CSMD1: variants seen among roughly 807,000 people sequenced by gnomAD.
CSMD1 encodes the protein CUB and Sushi multiple domains 1.
Under a neutral mutation model 417.5 loss-of-function variants are expected in CSMD1, and 213 were observed. The ratio of observed to expected loss-of-function variants is 0.51; its 90% CI spans 0.46 to 0.57. The LOEUF (loss-of-function observed/expected upper bound fraction) is 0.57. Ranked by LOEUF, CSMD1 falls within the 20% of genes least tolerant of loss-of-function variation. CSMD1 has a pLI of 0.00. For synonymous variants in CSMD1, 2,862 were observed against 1,736.8 expected, an observed-to-expected ratio of 1.65 and a Z score of -16.11; for missense variants, 6,923 against 4,529.7, an observed-to-expected ratio of 1.53 and a Z score of -15.17.
chr8:4,282,020 G>A (rs937375890), intron 3 of CSMD1, among the ~76,000 whole-genome samples: 7 of 152,324 alleles, frequency 4.6e-5, no homozygotes, highest in East Asian at 1.9e-4. Flanking sequence ...CTCTTGAGAT[G>A]TGATTAGCCT....
At position 3,269,367 on chromosome 8, in the gene CSMD1, G is replaced by C. The variant is rs989259164; in HGVS notation, c.4153+14777C>G. 2.0e-5 allele frequency among the ~76,000 whole-genome samples: 3 copies of C among 152,348 alleles called. No homozygotes were observed. In the East Asian group the frequency reaches 5.8e-4, roughly 29 times the overall value. ...TGTCTTGTGCTGCCCTTCATAGGCAGAGAAACTTGGACCATCAACCACACA... is the reference window on the plus strand; with the variant it reads ...TGTCTTGTGCTGCCCTTCATAGGCACAGAAACTTGGACCATCAACCACACA... On this transcript the variant is annotated intron_variant, in intron 26 of 69. Transcript: ENST00000635120.
chr8:4,405,495 G>A (rs950326811), intron 3 of CSMD1, among the ~76,000 whole-genome samples: 5 of 152,072 alleles, frequency 3.3e-5, no homozygotes, highest in Non-Finnish European at 5.9e-5. Context: ...TGAAGTCAAT[G>A]TGCAACACCC....
chr8:3,099,919 T>TTCATTTGTATCATTTA (rs1815609776), intron 46 of CSMD1, among the ~76,000 whole-genome samples: 1 of 152,254 alleles, frequency 6.6e-6, no homozygotes, highest in Non-Finnish European at 1.5e-5. Flanking sequence ...TGTACCATTT[T>TTCATTTGTATCATTTA]TCATTTGTAT....
chr8:4,770,235 A>G (rs1796532211), intron 1 of CSMD1, among the ~76,000 whole-genome samples: 1 of 148,546 alleles, frequency 6.7e-6, no homozygotes, highest in South Asian at 2.1e-4. Flanking sequence ...CTATATACAT[A>G]TTCATATATG....
intron 5 of CSMD1, among the ~76,000 whole-genome samples, chr8:3,846,682 G>C (rs1010358269): frequency 1.3e-5 from 2 of 152,070 alleles, no homozygotes; most frequent in Non-Finnish European, 2.9e-5. Context: ...GTTTGAGATG[G>C]AGTTTCTCTC....
intron 5 of CSMD1, among the ~76,000 whole-genome samples, chr8:3,942,125 G>C (rs1020552152): frequency 6.6e-6 from 1 of 152,032 alleles, no homozygotes. Flanking sequence ...GTCACGCTGA[G>C]ATGGGATCGT....
At chr8:4,528,316 G>A (rs1014385706) in intron 2 of CSMD1, among the ~76,000 whole-genome samples, 4 of 152,150 alleles carry the variant, frequency 2.6e-5, no homozygotes, top group African/African-American at 9.7e-5. Context: ...AACAACAAAA[G>A]TTATTTTATA....
intron 3 of CSMD1, among the ~76,000 whole-genome samples, chr8:4,297,685 G>C (rs972158791): frequency 1.1e-4 from 17 of 152,092 alleles, no homozygotes; most frequent in Admixed American, 1.1e-3. Flanking sequence ...TACTGTTTTA[G>C]CATTAACCCG....
chr8:2,990,419 T>G (rs1467324172), intron 54 of CSMD1, among the ~76,000 whole-genome samples: 2 of 152,208 alleles, frequency 1.3e-5, no homozygotes, highest in African/African-American at 2.4e-5. Context: ...TTCATTCAGC[T>G]CCGGTTGACA....
intron 3 of CSMD1, among the ~76,000 whole-genome samples, chr8:4,280,260 A>G (rs1359706310): frequency 3.3e-5 from 5 of 152,342 alleles, no homozygotes; most frequent in Middle Eastern, 3.4e-3. Context: ...TGTATATTGC[A>G]GTATTTGATA....
chr8:4,350,664 G>T (rs572292928), intron 3 of CSMD1, among the ~76,000 whole-genome samples: 25 of 152,290 alleles, frequency 1.6e-4, no homozygotes, highest in African/African-American at 3.8e-4. Flanking sequence ...AAATTTACTA[G>T]AACAAAGGTG....
intron 5 of CSMD1, among the ~76,000 whole-genome samples, chr8:3,759,373 T>C (rs1054911047): frequency 2.0e-5 from 3 of 152,168 alleles, no homozygotes; most frequent in Non-Finnish European, 4.4e-5. Flanking sequence ...ATAACCTTAC[T>C]GAATCCAGGC....
intron 3 of CSMD1, among the ~76,000 whole-genome samples, chr8:4,279,113 T>A (rs1482356127): frequency 6.6e-6 from 1 of 152,202 alleles, no homozygotes; most frequent in Non-Finnish European, 1.5e-5. Context: ...ACCAACCGTA[T>A]TAGCAAACTT....
At chr8:4,964,881 T>C (rs1809755613) in intron 1 of CSMD1, among the ~76,000 whole-genome samples, 2 of 152,182 alleles carry the variant, frequency 1.3e-5, no homozygotes, top group Admixed American at 6.6e-5. Flanking sequence ...TATTTGATGG[T>C]TCTGGAGCGG....
chr8:3,711,764 G>T (rs1801521619), intron 6 of CSMD1, among the ~76,000 whole-genome samples: 1 of 152,134 alleles, frequency 6.6e-6, no homozygotes, highest in African/African-American at 2.4e-5. Flanking sequence ...ACTATCTTGT[G>T]CTGAAATAAC....
At chr8:3,664,143 T>C (rs1312320668) in intron 7 of CSMD1, among the ~76,000 whole-genome samples, 1 of 152,172 alleles carries the variant, frequency 6.6e-6, no homozygotes, top group African/African-American at 2.4e-5. Context: ...TGACTCGTCA[T>C]TTAACATTAG....
intron 3 of CSMD1, among the ~76,000 whole-genome samples, chr8:4,364,416 C>T (rs1801951353): frequency 6.6e-6 from 1 of 152,136 alleles, no homozygotes; most frequent in Non-Finnish European, 1.5e-5. Flanking sequence ...TGCCCTAGTC[C>T]ATACAAGATT....
rs578091606 is a variant in CSMD1 at position 4,280,025 on chromosome 8, C to T, written c.415+139928G>A. Among the ~76,000 whole-genome samples, 127 of 152,340 alleles carry T rather than the reference C, an allele frequency of 8.3e-4. 1 individual carries two copies. The highest frequency in any genetic ancestry group is 1.7e-3 in the South Asian group (8 of 4,832). ...GGCCTATCTGCTGCTTCCTTCCCAG[C>T]CTAGAACACAGTGAACTCATAGCTA... On this transcript the variant is annotated intron_variant, in intron 3 of 69. Coordinates refer to ENST00000635120, the MANE Select transcript of CSMD1 (RefSeq NM_033225.6).
intron 3 of CSMD1, among the ~76,000 whole-genome samples, chr8:4,391,084 A>G (rs1000668328): frequency 3.3e-5 from 5 of 152,196 alleles, no homozygotes; most frequent in East Asian, 1.9e-4. Context: ...AGATCCTGGA[A>G]TGAGGACATA....
Sources: gnomAD v4.1 joint callset for allele counts (sites outside exome capture counted in the v4.1 genomes callset) on GRCh38, gnomAD v4.1.1 for gene constraint, MANE v1.5 for transcripts, NCBI Gene and HGNC (gene_info 2026-07-23, HGNC 2026-07-21) for gene names.